Variants in ATG13 observed in about 807,000 individuals in gnomAD.
ATG13 encodes the protein autophagy related 13.
Under a neutral mutation model 65.5 loss-of-function variants are expected in ATG13, and 23 were observed. The ratio of observed to expected loss-of-function variants is 0.35; its 90% CI spans 0.25 to 0.50. ATG13 has a LOEUF of 0.50. Among genes scored for constraint, ATG13 ranks in the 20% least tolerant of loss-of-function variants. The pLI is 0.98. For synonymous variants in ATG13, 252 were observed against 245.2 expected (o/e 1.03, Z -0.26); for missense variants, 566 against 677.0 (o/e 0.84, Z 1.82).
At chr11:46,640,663 T>TA (rs1444333003) in intron 2 of ATG13, among the ~76,000 whole-genome samples, 1 of 152,046 alleles carries the variant, frequency 6.6e-6, no homozygotes, top group Non-Finnish European at 1.5e-5. Context: ...CTCACAAAAT[T>TA]AAAAAATACA....
At chr11:46,650,348 C>T in intron 7 of ATG13, 31 bp downstream of exon 7, 1 of 1,596,778 alleles carries the variant, frequency 6.3e-7, no homozygotes, top group Non-Finnish European at 8.6e-7. Flanking sequence ...TCTTGATTCA[C>T]TCATCAACCC....
At chr11:46,623,802 G>C (rs1198151388) in intron 1 of ATG13, among the ~76,000 whole-genome samples, 5 of 151,966 alleles carry the variant, frequency 3.3e-5, no homozygotes, top group Non-Finnish European at 5.9e-5. Context: ...GAATATTACA[G>C]TGAATTTTTA....
chr11:46,662,303 C>T (rs2061376565), intron 11 of ATG13, among the ~76,000 whole-genome samples: 1 of 152,092 alleles, frequency 6.6e-6, no homozygotes, highest in Non-Finnish European at 1.5e-5. Context: ...TTCTGTTTTA[C>T]AAGTAATAGA....
chr11:46,625,601 C>T (rs1343656959), intron 1 of ATG13, among the ~76,000 whole-genome samples: 1 of 152,100 alleles, frequency 6.6e-6, no homozygotes, highest in Non-Finnish European at 1.5e-5. Flanking sequence ...TGCCCATCCC[C>T]CCAGGTGGTT....
At chr11:46,650,528 C>T (rs1359909718) in intron 7 of ATG13, among the ~76,000 whole-genome samples, 4 of 152,312 alleles carry the variant, frequency 2.6e-5, no homozygotes, top group Admixed American at 6.5e-5. Flanking sequence ...TCTATATGCA[C>T]AATCGTGATT....
intron 14 of ATG13, 90 bp from the exon 15 acceptor site, chr11:46,667,683 C>A: frequency 3.0e-6 from 3 of 1,007,416 alleles, no homozygotes; most frequent in Non-Finnish European, 4.4e-6. Context: ...CTGCCCTAGG[C>A]CACAGCCCCA....
chr11:46,621,599 G>A (rs768814804), intron 1 of ATG13, among the ~76,000 whole-genome samples: 3 of 152,008 alleles, frequency 2.0e-5, no homozygotes, highest in African/African-American at 4.8e-5. Context: ...ACATTTATGT[G>A]CTCTTCTGAC....
chr11:46,643,536 CT>C (rs1238832334), intron 2 of ATG13, among the ~76,000 whole-genome samples: 3 of 151,976 alleles, frequency 2.0e-5, no homozygotes, highest in African/African-American at 7.2e-5. Flanking sequence ...TTGTTTATAC[CT>C]CTTTGTTCAT....
chr11:46,671,144 C>T (rs1055732234), intron 18 of ATG13, among the ~76,000 whole-genome samples: 3 of 152,190 alleles, frequency 2.0e-5, no homozygotes, highest in African/African-American at 7.2e-5. Context: ...CCTCTCCTTT[C>T]AGGAAGCTGC....
intron 18 of ATG13, among the ~76,000 whole-genome samples, chr11:46,671,708 C>T (rs897969801): frequency 1.3e-5 from 2 of 152,176 alleles, no homozygotes; most frequent in Non-Finnish European, 2.9e-5. Context: ...CACCACAGCA[C>T]TCCAGCCTGG....
chr11:46,645,684 AATTAC>A (rs1189172251), intron 4 of ATG13, among the ~76,000 whole-genome samples, 181 bp from the exon 5 acceptor site: 2 of 152,172 alleles, frequency 1.3e-5, no homozygotes, highest in Non-Finnish European at 2.9e-5. Flanking sequence ...TTGTAATGAT[AATTAC>A]CTTTTTCAAC....
chr11:46,647,378 A>G (rs1206788338), intron 5 of ATG13, among the ~76,000 whole-genome samples: 1 of 150,740 alleles, frequency 6.6e-6, no homozygotes, highest in Non-Finnish European at 1.5e-5. Context: ...CCCAGGTTCA[A>G]GCGATTCTCG....
intron 5 of ATG13, among the ~76,000 whole-genome samples, chr11:46,647,271 GT>G (rs1201682594): frequency 2.3e-5 from 3 of 132,882 alleles, no homozygotes; most frequent in Non-Finnish European, 4.8e-5. Context: ...TTGGGTTTTT[GT>G]TTTTTTTGTT....
chr11:46,617,698 G>A lies in ATG13; in HGVS notation c.-262G>A. The stretch of plus-strand genomic sequence containing the variant: ...GTCGACGTGGGTGCGACAACTCGCG[G>A]AGTCTTAGGAGCAAAACGTCTGGGG... On this transcript the variant is annotated 5_prime_UTR_variant, in exon 1 of 19. Transcript: ENST00000683050. The A allele has an allele frequency of 2.5e-6, 1 of 397,246 alleles. No individual in the cohort carries two copies. Among genetic ancestry groups the A allele is most frequent in the East Asian group, 3.6e-5 (1 of 28,004 alleles). 24.6% of individuals were successfully genotyped at this position (397,246 alleles called of 1,614,324 possible).
chr11:46,628,208 G>A (rs1387420404), intron 1 of ATG13, among the ~76,000 whole-genome samples: 1 of 151,842 alleles, frequency 6.6e-6, no homozygotes, highest in Non-Finnish European at 1.5e-5. Flanking sequence ...TTCTAGATCA[G>A]CTTGGCCAAC....
intron 7 of ATG13, among the ~76,000 whole-genome samples, chr11:46,653,916 A>G (rs930407525): frequency 2.0e-5 from 3 of 152,140 alleles, no homozygotes; most frequent in African/African-American, 4.8e-5. Context: ...GAATAAACCC[A>G]TGTGTATATT....
At chr11:46,635,109 G>A (rs556345657) in intron 2 of ATG13, among the ~76,000 whole-genome samples, 284 of 151,760 alleles carry the variant, frequency 1.9e-3, no homozygotes, top group African/African-American at 6.7e-3. Flanking sequence ...CCAAGTTCAA[G>A]CGATTCTCGT....
At chr11:46,634,512 A>C (rs868321452) in intron 2 of ATG13, among the ~76,000 whole-genome samples, 1 of 145,640 alleles carries the variant, frequency 6.9e-6, no homozygotes, top group Non-Finnish European at 1.5e-5. Context: ...GTCCTGACTC[A>C]GCCTCCTGAG....
At chr11:46,618,841 A>G (rs2046298126) in intron 1 of ATG13, among the ~76,000 whole-genome samples, 1 of 151,990 alleles carries the variant, frequency 6.6e-6, no homozygotes, top group Non-Finnish European at 1.5e-5. Flanking sequence ...TATTAGAGAT[A>G]AGGTATTGCT....
Sources: gnomAD v4.1 joint callset for allele counts (sites outside exome capture counted in the v4.1 genomes callset) on GRCh38, gnomAD v4.1.1 for gene constraint, MANE v1.5 for transcripts, NCBI Gene and HGNC (gene_info 2026-07-23, HGNC 2026-07-21) for gene names.